Variants in L3MBTL4 observed in about 807,000 individuals in gnomAD.
L3MBTL4 encodes lethal(3)malignant brain tumor-like protein 4.
In L3MBTL4, 70 loss-of-function variants were observed where a neutral mutation model predicts 84.5. The ratio of observed to expected loss-of-function variants is 0.83; its 90% CI spans 0.68 to 1.01. The LOEUF (loss-of-function observed/expected upper bound fraction) is 1.01, where lower values mean the gene tolerates loss of function less well. Ranked by LOEUF, L3MBTL4 falls within the 50% of genes least tolerant of loss-of-function variation. The pLI is 0.00. For missense variants in L3MBTL4, 715 were observed against 754.8 expected, an observed-to-expected ratio of 0.95 and a Z score of 0.62; for synonymous variants, 274 against 259.8, an observed-to-expected ratio of 1.05 and a Z score of -0.52.
At chr18:6,106,896 G>T (rs970106094) in intron 14 of L3MBTL4, among the ~76,000 whole-genome samples, 1 of 152,170 alleles carries the variant, frequency 6.6e-6, no homozygotes, top group Non-Finnish European at 1.5e-5. Context: ...GGGATGTGGT[G>T]CCCCAAATAT....
At chr18:6,403,064 C>T (rs28480132) in intron 1 of L3MBTL4, among the ~76,000 whole-genome samples, 25,452 of 152,104 alleles carry the variant, frequency 0.17, 2,220 homozygotes, top group African/African-American at 0.21. Flanking sequence ...GGACACAGGG[C>T]CAATGCTGCT....
chr18:5,956,408 A>G (rs760256959), intron 18 of L3MBTL4, 21 bp from the exon 19 acceptor site: 1 of 1,610,624 alleles, frequency 6.2e-7, no homozygotes, highest in Non-Finnish European at 8.5e-7. Context: ...ATAAATAGAC[A>G]CAAATAAAAA....
chr18:6,119,141 C>T (rs1190704977), intron 14 of L3MBTL4, among the ~76,000 whole-genome samples: 1 of 151,854 alleles, frequency 6.6e-6, no homozygotes, highest in Non-Finnish European at 1.5e-5. Flanking sequence ...ACAATCATAC[C>T]AAGTTACAGG....
intron 1 of L3MBTL4, among the ~76,000 whole-genome samples, chr18:6,402,540 C>A (rs2055556219): frequency 6.6e-6 from 1 of 152,142 alleles, no homozygotes; most frequent in African/African-American, 2.4e-5. Flanking sequence ...GCAGCCCATT[C>A]CAACTTTAGA....
intron 16 of L3MBTL4, among the ~76,000 whole-genome samples, chr18:6,080,350 A>G (rs778190526): frequency 8.5e-5 from 13 of 152,202 alleles, no homozygotes; most frequent in Non-Finnish European, 1.8e-4. Flanking sequence ...ATATAATCCA[A>G]CCTCAAAATT....
intron 12 of L3MBTL4, among the ~76,000 whole-genome samples, chr18:6,185,960 C>CTATTTTATTTATTTTATTTT (rs976327212): frequency 6.9e-6 from 1 of 145,786 alleles, no homozygotes; most frequent in African/African-American, 2.7e-5. Flanking sequence ...AGGGCACTTT[C>CTATTTTATTTATTTTATTTT]TTTATTTTAT....
chr18:6,296,447 T>A lies in L3MBTL4; in HGVS notation c.127+5456A>T, dbSNP rs1319422890. 2.0e-5 allele frequency among the ~76,000 whole-genome samples: 3 copies of A among 152,288 alleles called. No individual in the cohort carries two copies. In the South Asian group the frequency reaches 6.2e-4, roughly 32 times the overall value. On this transcript the variant is annotated intron_variant, in intron 4 of 18. Transcript: ENST00000317931. ...GCATATTACGTAACTGATTATTTTT[T>A]AAAAAACCAAATTGCCCTAGGATAT...
At chr18:6,123,464 G>C (rs993789013) in intron 14 of L3MBTL4, among the ~76,000 whole-genome samples, 1 of 152,086 alleles carries the variant, frequency 6.6e-6, no homozygotes. Context: ...ATTCTCATGA[G>C]ATCTGATGGT....
At chr18:6,147,489 CA>C (rs138084930) in intron 13 of L3MBTL4, among the ~76,000 whole-genome samples, 9 of 150,716 alleles carry the variant, frequency 6.0e-5, no homozygotes, top group African/African-American at 2.2e-4. Context: ...AATGAAAATG[CA>C]AAAAAAAGAA....
In L3MBTL4 at chr18:6,406,741, C is replaced by G. The variant is rs376136051; in HGVS notation, c.-91+8060G>C. 4.6e-5 allele frequency among the ~76,000 whole-genome samples: 7 copies of G among 152,210 alleles called. No individual in the cohort carries two copies. The East Asian group carries it at 9.6e-4, about 21-fold the overall frequency. ...AAACAACAAATTCCTGTTAACTGTA[C>G]CGAGATTGAGAAACCCTGGATGAGA... is the stretch of plus-strand genomic sequence containing the variant. On this transcript the variant is annotated intron_variant, in intron 1 of 18. Transcript: ENST00000317931.
intron 15 of L3MBTL4, among the ~76,000 whole-genome samples, chr18:6,082,939 A>G (rs1347462396): frequency 1.3e-5 from 2 of 152,090 alleles, no homozygotes; most frequent in African/African-American, 2.4e-5. Context: ...TAGCCTTTTC[A>G]TTTCCCATTT....
chr18:6,217,384 T>C (rs533957759), intron 10 of L3MBTL4, among the ~76,000 whole-genome samples: 2 of 152,340 alleles, frequency 1.3e-5, no homozygotes, highest in East Asian at 3.9e-4. Context: ...TCACACAGCA[T>C]GTGCTCCTTT....
intron 16 of L3MBTL4, among the ~76,000 whole-genome samples, chr18:5,974,330 G>A (rs2052792127): frequency 6.6e-6 from 1 of 152,216 alleles, no homozygotes; most frequent in South Asian, 2.1e-4. Flanking sequence ...CTGGACCACA[G>A]CACTGGAAGA....
intron 16 of L3MBTL4, among the ~76,000 whole-genome samples, chr18:6,051,453 C>T (rs193302393): frequency 1.3e-5 from 2 of 152,070 alleles, no homozygotes; most frequent in South Asian, 2.1e-4. Flanking sequence ...GCAGGAGAAT[C>T]GCTTGAACTT....
At chr18:6,134,116 G>A (rs866504741) in intron 14 of L3MBTL4, among the ~76,000 whole-genome samples, 2 of 152,076 alleles carry the variant, frequency 1.3e-5, no homozygotes, top group African/African-American at 2.4e-5. Context: ...TTACATGGTG[G>A]GAGCAAGAGA....
At chr18:6,285,338 G>T (rs1185155258) in intron 4 of L3MBTL4, among the ~76,000 whole-genome samples, 2 of 152,170 alleles carry the variant, frequency 1.3e-5, no homozygotes, top group African/African-American at 2.4e-5. Flanking sequence ...GGCAAAGACT[G>T]GGATTCAAAT....
At chr18:6,211,626 T>G (rs777506624) in intron 12 of L3MBTL4, among the ~76,000 whole-genome samples, 30 of 152,004 alleles carry the variant, frequency 2.0e-4, no homozygotes, top group Non-Finnish European at 4.1e-4. Context: ...CTATTATGAC[T>G]GAGCTTATCT....
At chr18:6,264,771 C>T (rs1419121907) in intron 4 of L3MBTL4, among the ~76,000 whole-genome samples, 1 of 152,048 alleles carries the variant, frequency 6.6e-6, no homozygotes, top group African/African-American at 2.4e-5. Context: ...GCCACAAGAG[C>T]GAAATCTCAT....
intron 16 of L3MBTL4, among the ~76,000 whole-genome samples, chr18:6,058,417 C>G (rs2057097824): frequency 6.6e-6 from 1 of 151,970 alleles, no homozygotes; most frequent in Non-Finnish European, 1.5e-5. Context: ...GTTTAGAAAA[C>G]TTTTTCGTAC....
Sources: gnomAD v4.1 joint callset for allele counts (sites outside exome capture counted in the v4.1 genomes callset) on GRCh38, gnomAD v4.1.1 for gene constraint, MANE v1.5 for transcripts, NCBI Gene and HGNC (gene_info 2026-07-23, HGNC 2026-07-21) for gene names.